Variants in PCDH15 observed in about 807,000 individuals in gnomAD.
PCDH15 encodes the protein protocadherin-15.
In PCDH15, 129 loss-of-function variants were observed where a neutral mutation model predicts 178.5. That is an observed-to-expected ratio of 0.72 (90% CI 0.63 to 0.84). The LOEUF is 0.84. PCDH15 is among the 40% of genes least tolerant of loss of function. PCDH15 has a pLI of 0.00. For missense variants in PCDH15, 2,230 were observed against 2,099.9 expected (o/e 1.06, Z -1.21); for synonymous variants, 800 against 732.0 (o/e 1.09, Z -1.50).
chr10:53,895,918 G>A (rs571479348), intron 26 of PCDH15, among the ~76,000 whole-genome samples: 1 of 152,228 alleles, frequency 6.6e-6, no homozygotes, highest in South Asian at 2.1e-4. Flanking sequence ...GAGGTTACAA[G>A]AAAAGTTCTT....
At chr10:54,685,694 T>C (rs2094984477) in intron 1 of PCDH15, among the ~76,000 whole-genome samples, 1 of 152,226 alleles carries the variant, frequency 6.6e-6, no homozygotes, top group African/African-American at 2.4e-5. Flanking sequence ...ATGCATTTAA[T>C]AAACTCTGTC....
intron 18 of PCDH15, among the ~76,000 whole-genome samples, chr10:54,063,899 C>T (rs1360729900): frequency 2.0e-5 from 3 of 152,198 alleles, no homozygotes; most frequent in Non-Finnish European, 2.9e-5. Flanking sequence ...GGATGAGGGG[C>T]TCCCTGAAGA....
In PCDH15 at chr10:54,632,193, A is replaced by T. The variant is rs2093720948; in HGVS notation, c.91+31979T>A. Among the ~76,000 whole-genome samples the T allele has an allele frequency of 1.3e-5, 2 of 152,146 alleles. 1 individual carries two copies. Among genetic ancestry groups the T allele is most frequent in the African/African-American group, 4.8e-5 (2 of 41,434 alleles). ...ATTAACACAGGAAGAGAAAAACCAAATACTACATGTTCTCACTTATAAGTG... is the reference window on the plus strand; with the variant it reads ...ATTAACACAGGAAGAGAAAAACCAATTACTACATGTTCTCACTTATAAGTG... On this transcript the variant is annotated intron_variant, in intron 2 of 37. Transcript: ENST00000644397.
In PCDH15 at chr10:54,598,109, G is replaced by A. The variant is rs1025101782; in HGVS notation, c.91+66063C>T. On this transcript the variant is annotated intron_variant, in intron 2 of 37. Transcript: ENST00000644397. ...AACGGTTCCCCCACAATTGAGAAGGGACTTCTCCTCAACTCATTCTATGAG... is the reference window on the plus strand; with the variant it reads ...AACGGTTCCCCCACAATTGAGAAGGAACTTCTCCTCAACTCATTCTATGAG... Among the ~76,000 whole-genome samples the A allele has an allele frequency of 2.0e-5, 3 of 151,970 alleles. No homozygotes were observed. The South Asian group carries it at 6.2e-4, about 31-fold the overall frequency.
intron 26 of PCDH15, among the ~76,000 whole-genome samples, chr10:53,882,075 C>T (rs192238682): frequency 1.3e-5 from 2 of 151,294 alleles, no homozygotes; most frequent in Admixed American, 6.6e-5. Context: ...CTGCAACCTC[C>T]GCCTTCTGAG....
intron 18 of PCDH15, among the ~76,000 whole-genome samples, chr10:54,062,257 A>AAAAAAAAAAAAAAAAT (rs2094042936): frequency 9.3e-6 from 1 of 107,522 alleles, no homozygotes. Flanking sequence ...AAAAAACAAA[A>AAAAAAAAAAAAAAAAT]AACAACTAAA....
intron 2 of PCDH15, among the ~76,000 whole-genome samples, chr10:55,342,634 T>A (rs1844636726): frequency 6.6e-6 from 1 of 152,032 alleles, no homozygotes; most frequent in Non-Finnish European, 1.5e-5. Flanking sequence ...TAACCAGGCT[T>A]TTAATTTCTT....
intron 3 of PCDH15, among the ~76,000 whole-genome samples, chr10:54,823,473 G>C (rs534085378): frequency 6.6e-6 from 1 of 152,218 alleles, no homozygotes; most frequent in Non-Finnish European, 1.5e-5. Flanking sequence ...GCAATTCATA[G>C]TTGTTTCACA....
At chr10:54,310,716 G>A (rs888047560) in intron 8 of PCDH15, among the ~76,000 whole-genome samples, 1 of 151,846 alleles carries the variant, frequency 6.6e-6, no homozygotes, top group African/African-American at 2.4e-5. Context: ...CTCTATATAG[G>A]TTTGCTCAAC....
At chr10:55,551,586 T>C (rs907248257) in intron 2 of PCDH15, among the ~76,000 whole-genome samples, 1 of 151,930 alleles carries the variant, frequency 6.6e-6, no homozygotes, top group Non-Finnish European at 1.5e-5. Flanking sequence ...AAGTTGGCAA[T>C]ATTGAAATGT....
chr10:55,266,145 A>G (rs1158014031), intron 1 of PCDH15, among the ~76,000 whole-genome samples: 2 of 152,088 alleles, frequency 1.3e-5, no homozygotes, highest in Admixed American at 6.6e-5. Context: ...TTGGCACTAA[A>G]TTCTTTCCTT....
intron 3 of PCDH15, among the ~76,000 whole-genome samples, chr10:54,870,702 C>G (rs1954021131): frequency 6.6e-6 from 1 of 151,848 alleles, no homozygotes; most frequent in Non-Finnish European, 1.5e-5. Flanking sequence ...AGAAGAATGG[C>G]GTGAACCCGG....
chr10:55,133,562 G>A (rs1376779819), intron 2 of PCDH15, among the ~76,000 whole-genome samples: 1 of 151,966 alleles, frequency 6.6e-6, no homozygotes, highest in Non-Finnish European at 1.5e-5. Flanking sequence ...TACATCTCTA[G>A]CCCTGACCTC....
chr10:55,105,413 A>T (rs1300681634), intron 2 of PCDH15, among the ~76,000 whole-genome samples: 2 of 152,180 alleles, frequency 1.3e-5, no homozygotes, highest in Non-Finnish European at 2.9e-5. Flanking sequence ...CTGTATTTCT[A>T]GGGTTTTAAA....
intron 21 of PCDH15, among the ~76,000 whole-genome samples, chr10:53,968,011 G>T (rs1187553721): frequency 3.3e-5 from 5 of 152,084 alleles, no homozygotes; most frequent in African/African-American, 1.2e-4. Flanking sequence ...ATCTCACTGG[G>T]GCTTGTTGGA....
chr10:54,200,410 G>T (rs1443557068), intron 10 of PCDH15, among the ~76,000 whole-genome samples: 2 of 151,292 alleles, frequency 1.3e-5, no homozygotes, highest in Admixed American at 6.6e-5. Flanking sequence ...TTCTCCTAAT[G>T]CTATCCCTCC....
chr10:54,166,334 C>G (rs188257723), intron 13 of PCDH15, among the ~76,000 whole-genome samples: 26 of 152,268 alleles, frequency 1.7e-4, no homozygotes, highest in African/African-American at 4.8e-4. Flanking sequence ...AAAATATAGT[C>G]AACTCCTTGA....
chr10:55,549,221 T>C (rs1319200559), intron 2 of PCDH15, among the ~76,000 whole-genome samples: 5 of 152,114 alleles, frequency 3.3e-5, no homozygotes, highest in Non-Finnish European at 5.9e-5. Context: ...CCTGTTTTTC[T>C]GTGCTTAAAT....
At chr10:54,321,153 G>T (rs2061578963) in intron 7 of PCDH15, among the ~76,000 whole-genome samples, 1 of 148,402 alleles carries the variant, frequency 6.7e-6, no homozygotes, top group Admixed American at 6.8e-5. Context: ...TGGCACTGGA[G>T]TTAATATTTG....
Sources: gnomAD v4.1 joint callset for allele counts (sites outside exome capture counted in the v4.1 genomes callset) on GRCh38, gnomAD v4.1.1 for gene constraint, MANE v1.5 for transcripts, NCBI Gene and HGNC (gene_info 2026-07-23, HGNC 2026-07-21) for gene names.